Variants in ZNF521 observed in about 807,000 individuals in gnomAD.
ZNF521 encodes the protein LYST-interacting protein 3.
In ZNF521, 14 loss-of-function variants were observed where a neutral mutation model predicts 105.5. The ratio of observed to expected loss-of-function variants is 0.13; its 90% confidence interval spans 0.09 to 0.21. The LOEUF is 0.21. ZNF521 is among the 10% of genes least tolerant of loss of function. ZNF521 has a pLI of 1.00. For synonymous variants in ZNF521, 635 were observed against 606.0 expected (o/e 1.05, Z -0.70); for missense variants, 1,233 against 1,629.7 (o/e 0.76, Z 4.19).
At chr18:25,102,200 A>T (rs904030993) in intron 5 of ZNF521, among the ~76,000 whole-genome samples, 1 of 152,202 alleles carries the variant, frequency 6.6e-6, no homozygotes. Flanking sequence ...TATGGGACAC[A>T]CGACTGGGAA....
At position 25,228,207 on chromosome 18, in the gene ZNF521, T is replaced by C. The variant is rs137941595; in HGVS notation, c.221-510A>G. On this transcript the variant is annotated intron_variant, in intron 3 of 7. Coordinates refer to ENST00000361524, the MANE Select transcript of ZNF521 (RefSeq NM_015461.3). ...TGCTTGTTTTTATATAAAAAGGCAATTCTGCAGACCAAAATCTGTTACGGG... is the reference window on the plus strand; with the variant it reads ...TGCTTGTTTTTATATAAAAAGGCAACTCTGCAGACCAAAATCTGTTACGGG... Among the ~76,000 whole-genome samples the C allele has an allele frequency of 9.1e-3, 1,386 of 152,332 alleles. 9 individuals are homozygous for C. The highest frequency in any genetic ancestry group is 0.014 in the Non-Finnish European group (961 of 68,026).
At chr18:25,178,219 C>T (rs756796445) in intron 5 of ZNF521, among the ~76,000 whole-genome samples, 2 of 152,150 alleles carry the variant, frequency 1.3e-5, no homozygotes, top group Non-Finnish European at 2.9e-5. Flanking sequence ...TATACAGATA[C>T]CTACAGAAAG....
chr18:25,266,780 G>T (rs920337797), intron 3 of ZNF521, among the ~76,000 whole-genome samples: 2 of 152,184 alleles, frequency 1.3e-5, no homozygotes, highest in Non-Finnish European at 2.9e-5. Flanking sequence ...CCTCCTGGGG[G>T]TGCCTACGCC....
At chr18:25,093,327 ATCACAT>A (rs1184283414) in intron 5 of ZNF521, among the ~76,000 whole-genome samples, 1 of 152,162 alleles carries the variant, frequency 6.6e-6, no homozygotes, top group Non-Finnish European at 1.5e-5. Flanking sequence ...CTGGCTTGTT[ATCACAT>A]TACACTTTTA....
At chr18:25,198,636 C>T (rs1363434053) in intron 4 of ZNF521, among the ~76,000 whole-genome samples, 1 of 151,630 alleles carries the variant, frequency 6.6e-6, no homozygotes, top group Non-Finnish European at 1.5e-5. Flanking sequence ...TAAGTTGTTA[C>T]CATGTGAGGT....
chr18:25,300,419 T>A (rs999949994), intron 3 of ZNF521, among the ~76,000 whole-genome samples: 1 of 152,210 alleles, frequency 6.6e-6, no homozygotes, highest in Non-Finnish European at 1.5e-5. Context: ...ATATACACAC[T>A]CGATGACAAT....
chr18:25,252,899 A>G (rs1017547380), intron 3 of ZNF521, among the ~76,000 whole-genome samples: 2 of 152,144 alleles, frequency 1.3e-5, no homozygotes, highest in African/African-American at 2.4e-5. Context: ...AATATGTTGC[A>G]GGGATAAACA....
chr18:25,326,196 T>C (rs1913209795), intron 2 of ZNF521, among the ~76,000 whole-genome samples: 1 of 152,310 alleles, frequency 6.6e-6, no homozygotes, highest in Non-Finnish European at 1.5e-5. Context: ...GCAAAGACTA[T>C]CTGTATTCTT....
chr18:25,269,369 T>C (rs1373059662), intron 3 of ZNF521, among the ~76,000 whole-genome samples: 2 of 152,158 alleles, frequency 1.3e-5, no homozygotes, highest in Admixed American at 6.5e-5. Context: ...CTGTCAATAT[T>C]AGACAGATCA....
intron 2 of ZNF521, 50 bp from the exon 3 acceptor site, chr18:25,322,237 A>T: frequency 1.9e-6 from 3 of 1,570,398 alleles, no homozygotes; most frequent in Non-Finnish European, 2.6e-6. Flanking sequence ...AGGTTCTTTT[A>T]AAGTAACATT....
chr18:25,170,145 C>T (rs1291285990), intron 5 of ZNF521, among the ~76,000 whole-genome samples: 1 of 150,944 alleles, frequency 6.6e-6, no homozygotes, highest in Non-Finnish European at 1.5e-5. Context: ...GGAAAACTCA[C>T]TTATCTCATT....
At chr18:25,301,702 G>A (rs1301173573) in intron 3 of ZNF521, among the ~76,000 whole-genome samples, 1 of 152,170 alleles carries the variant, frequency 6.6e-6, no homozygotes, top group African/African-American at 2.4e-5. Context: ...CTCTTAGCTT[G>A]TTCCCAAAGA....
chr18:25,351,864 C>A (rs888699131), intron 1 of ZNF521, 141 bp downstream of exon 1: 6 of 261,830 alleles, frequency 2.3e-5, no homozygotes, highest in Admixed American at 4.2e-5. Context: ...CTAAAGTCTA[C>A]GGCTGCCTCG....
chr18:25,215,540 A>G (rs2036264899), intron 4 of ZNF521, among the ~76,000 whole-genome samples: 1 of 152,242 alleles, frequency 6.6e-6, no homozygotes, highest in Non-Finnish European at 1.5e-5. Flanking sequence ...GAGTTCTATG[A>G]TGACACAAGA....
intron 5 of ZNF521, among the ~76,000 whole-genome samples, chr18:25,158,320 G>A (rs2035185970): frequency 6.6e-6 from 1 of 151,850 alleles, no homozygotes; most frequent in Admixed American, 6.6e-5. Flanking sequence ...AAAGGCTGAA[G>A]AAAGAAAAAA....
chr18:25,268,221 C>T (rs1263134744), intron 3 of ZNF521, among the ~76,000 whole-genome samples: 1 of 151,898 alleles, frequency 6.6e-6, no homozygotes, highest in Non-Finnish European at 1.5e-5. Context: ...AGCAAGAAGA[C>T]AAGACTGAAG....
At chr18:25,108,885 A>G (rs2034127343) in intron 5 of ZNF521, among the ~76,000 whole-genome samples, 1 of 152,152 alleles carries the variant, frequency 6.6e-6, no homozygotes. Flanking sequence ...TCAGCCTCCC[A>G]AAGTGCTGGG....
chr18:25,191,247 A>G (rs953891555), intron 5 of ZNF521, among the ~76,000 whole-genome samples: 11 of 152,164 alleles, frequency 7.2e-5, no homozygotes, highest in Admixed American at 2.6e-4. Flanking sequence ...CCTTATGTAA[A>G]TGGCTTGTAC....
At chr18:25,138,457 C>T (rs2034777956) in intron 5 of ZNF521, among the ~76,000 whole-genome samples, 1 of 137,280 alleles carries the variant, frequency 7.3e-6, no homozygotes, top group Non-Finnish European at 1.5e-5. Flanking sequence ...AGTGTGAAAC[C>T]AGGGAAATTA....
Sources: allele counts gnomAD v4.1 joint callset (sites outside exome capture counted in the v4.1 genomes callset), GRCh38; gene constraint gnomAD v4.1.1; transcripts MANE v1.5; gene names NCBI Gene and HGNC (gene_info 2026-07-23, HGNC 2026-07-21).